EPS15: variants seen among roughly 807,000 people sequenced by gnomAD.
EPS15 encodes epidermal growth factor receptor substrate 15.
Under a neutral mutation model 113.8 loss-of-function variants are expected in EPS15, and 72 were observed. That is an observed-to-expected ratio of 0.63 (90% CI 0.52 to 0.77). EPS15 has a LOEUF of 0.77. EPS15 is among the 30% of genes least tolerant of loss of function. The pLI is 0.00. For missense variants in EPS15, 1,048 were observed against 1,045.8 expected (o/e 1.00, Z -0.03); for synonymous variants, 344 against 363.4 (o/e 0.95, Z 0.61).
intron 21 of EPS15, among the ~76,000 whole-genome samples, chr1:51,376,388 G>A (rs775198273): frequency 7.2e-5 from 11 of 152,206 alleles, no homozygotes; most frequent in Non-Finnish European, 1.5e-4. Flanking sequence ...GCTAGGCTGG[G>A]CACTGTGGCT....
At position 51,503,255 on chromosome 1, in the gene EPS15, G is replaced by T. The variant is rs553042881; in HGVS notation, c.33+15944C>A. Among the ~76,000 whole-genome samples the T allele has an allele frequency of 1.3e-4, 20 of 152,260 alleles. No individual in the cohort carries two copies. The South Asian group carries it at 1.5e-3, about 11-fold the overall frequency. On this transcript the variant is annotated intron_variant, in intron 1 of 24. Transcript: ENST00000371733. ...TGCAATTTATATGAGAATTCCAACT[G>T]ACTGTTTTGTAGAAACTGGCAAGCT... is the stretch of plus-strand genomic sequence containing the variant.
At position 51,430,331 on chromosome 1, in the gene EPS15, G is replaced by A. The variant is rs547416341; in HGVS notation, c.1041-8473C>T. ...TGTTTTTAATCCCAGCACTTTGGGAGGCCGAGGTGGGCAGATCACTGGAGG... is the reference window on the plus strand; with the variant it reads ...TGTTTTTAATCCCAGCACTTTGGGAAGCCGAGGTGGGCAGATCACTGGAGG... On this transcript the variant is annotated intron_variant, in intron 12 of 24. Coordinates refer to ENST00000371733, the MANE Select transcript of EPS15 (RefSeq NM_001981.3). Among the ~76,000 whole-genome samples, 6 of 152,220 alleles carry A rather than the reference G, an allele frequency of 3.9e-5. No homozygotes were observed. The South Asian group carries it at 8.3e-4, about 21-fold the overall frequency.
chr1:51,364,435 T>A (rs1257938637), intron 22 of EPS15, among the ~76,000 whole-genome samples: 3 of 151,824 alleles, frequency 2.0e-5, no homozygotes, highest in Admixed American at 6.6e-5. Context: ...AACTTAAATA[T>A]AAGATTTAAT....
intron 21 of EPS15, among the ~76,000 whole-genome samples, chr1:51,382,031 C>T (rs1004311892): frequency 7.2e-5 from 11 of 151,864 alleles, no homozygotes; most frequent in Non-Finnish European, 1.2e-4. Context: ...TTGAAAAGAT[C>T]AACAAAATTG....
intron 11 of EPS15, among the ~76,000 whole-genome samples, chr1:51,444,095 T>C (rs1652821068): frequency 6.6e-6 from 1 of 152,136 alleles, no homozygotes; most frequent in Non-Finnish European, 1.5e-5. Flanking sequence ...ATAACAACCC[T>C]GAAAAATCTC....
At chr1:51,409,252 G>A (rs1356346296) in intron 14 of EPS15, among the ~76,000 whole-genome samples, 4 of 152,094 alleles carry the variant, frequency 2.6e-5, no homozygotes, top group Admixed American at 2.0e-4. Flanking sequence ...TATGGTTTTC[G>A]TAAAGAAGGG....
intron 5 of EPS15, 80 bp downstream of exon 5, chr1:51,468,393 T>C (rs894101916): frequency 2.2e-5 from 23 of 1,040,740 alleles, no homozygotes; most frequent in Admixed American, 1.6e-4. Context: ...TTCCTTTTAA[T>C]ATATTACTTT....
At chr1:51,511,702 C>T (rs1232603341) in intron 1 of EPS15, among the ~76,000 whole-genome samples, 1 of 152,072 alleles carries the variant, frequency 6.6e-6, no homozygotes, top group African/African-American at 2.4e-5. Context: ...AATTCTCCAG[C>T]CCAAAATCTC....
chr1:51,355,422 A>C lies in EPS15; in HGVS notation c.*1278T>G, dbSNP rs746037790. 9 of 201,448 alleles carry C rather than the reference A, an allele frequency of 4.5e-5. No individual in the cohort carries two copies. The highest frequency in any genetic ancestry group is 6.1e-5 in the Non-Finnish European group (6 of 98,088). The allele number at this position is 201,448 out of a possible 1,614,324, so 12.5% of individuals were successfully genotyped here. A position where few individuals can be genotyped will look rare whatever the true frequency, so the allele number is the denominator to read the frequency against. On this transcript the variant is annotated 3_prime_UTR_variant, in exon 25 of 25. Transcript: ENST00000371733. The stretch of plus-strand genomic sequence containing the variant: ...CGTGTTAAACAAAATTAAAATGACA[A>C]GTTACAGCTTACTTCACAGTCTATT...
At chr1:51,392,746 C>T (rs1290666102) in intron 21 of EPS15, among the ~76,000 whole-genome samples, 1 of 152,204 alleles carries the variant, frequency 6.6e-6, no homozygotes, top group Non-Finnish European at 1.5e-5. Context: ...AAGCCACATT[C>T]CACTTTGATA....
At chr1:51,379,412 G>A (rs1404303632) in intron 21 of EPS15, among the ~76,000 whole-genome samples, 1 of 152,110 alleles carries the variant, frequency 6.6e-6, no homozygotes, top group Non-Finnish European at 1.5e-5. Context: ...GAGCCACAGT[G>A]CCTGGCCAGG....
Position 51,406,106 on chromosome 1 carries a change from C to T in EPS15, c.1476G>A (p.Met492Ile). 1 of 1,611,964 alleles carries T rather than the reference C, an allele frequency of 6.2e-7. No homozygotes were observed. Among genetic ancestry groups the T allele is most frequent in the Non-Finnish European group, 8.5e-7 (1 of 1,178,994 alleles). ...LQDSQQEISS[M>I]QMKLMEMKDL... ...CTTTCATTTCCATCAGTTTCATTTG[C>T]ATCTGCCAACACAAAGAAGAAATAT... Residue 492 changes from methionine (M) to isoleucine (I), a missense_variant and splice_region_variant, in exon 16 of 25, where the codon ATG becomes ATA. Physicochemically the swap from Met to Ile is conservative, Grantham distance 10. Coordinates refer to ENST00000371733, the MANE Select transcript of EPS15 (RefSeq NM_001981.3).
chr1:51,471,913 C>T (rs2148511861), intron 3 of EPS15, among the ~76,000 whole-genome samples, 176 bp from the exon 4 acceptor site: 1 of 152,260 alleles, frequency 6.6e-6, no homozygotes, highest in African/African-American at 2.4e-5. Flanking sequence ...GTCCAACTTG[C>T]AGCCCACAGG....
intron 1 of EPS15, among the ~76,000 whole-genome samples, chr1:51,518,113 TGAG>T (rs764345074): frequency 1.3e-5 from 2 of 152,088 alleles, no homozygotes; most frequent in Non-Finnish European, 2.9e-5. Flanking sequence ...GAGAACCGTC[TGAG>T]GAGACGCGGG....
chr1:51,487,779 T>A (rs1265696215), intron 1 of EPS15, among the ~76,000 whole-genome samples: 1 of 152,194 alleles, frequency 6.6e-6, no homozygotes, highest in Non-Finnish European at 1.5e-5. Flanking sequence ...GTACACCCTG[T>A]GCTGATAACT....
At chr1:51,486,286 A>T (rs914053589) in intron 1 of EPS15, among the ~76,000 whole-genome samples, 5 of 151,564 alleles carry the variant, frequency 3.3e-5, no homozygotes, top group Admixed American at 3.3e-4. Flanking sequence ...ATAGCTGGAC[A>T]TGGTGGCGGG....
At chr1:51,498,285 CG>C (rs1487204464) in intron 1 of EPS15, among the ~76,000 whole-genome samples, 1 of 152,146 alleles carries the variant, frequency 6.6e-6, no homozygotes, top group Non-Finnish European at 1.5e-5. Context: ...ATCTTAGGTA[CG>C]GTGCTCAGTG....
intron 6 of EPS15, among the ~76,000 whole-genome samples, 185 bp downstream of exon 6, chr1:51,465,076 C>T (rs997199716): frequency 2.0e-5 from 3 of 152,028 alleles, no homozygotes; most frequent in East Asian, 1.9e-4. Flanking sequence ...ACAAGTAGAC[C>T]GATACTGTCA....
intron 19 of EPS15, among the ~76,000 whole-genome samples, chr1:51,400,540 A>C (rs1366688615): frequency 6.6e-6 from 1 of 151,332 alleles, no homozygotes; most frequent in Admixed American, 6.6e-5. Context: ...ACAAAAAATA[A>C]AAAAAAATCA....
Sources: allele counts gnomAD v4.1 joint callset (sites outside exome capture counted in the v4.1 genomes callset), GRCh38; gene constraint gnomAD v4.1.1; transcripts MANE v1.5; gene names NCBI Gene and HGNC (gene_info 2026-07-23, HGNC 2026-07-21).